The following SLC17A8 variants were observed in gnomAD, a reference collection of about 807,000 sequenced individuals.
SLC17A8 encodes vesicular glutamate transporter 3.
SLC17A8 carries 31 observed loss-of-function variants against 58.0 expected under a neutral mutation model. That is an observed-to-expected ratio of 0.53 (90% confidence interval 0.40 to 0.72). SLC17A8 has a LOEUF of 0.72. Ranked by LOEUF, SLC17A8 falls within the 30% of genes least tolerant of loss-of-function variation. The probability of loss-of-function intolerance (pLI) is 0.00; values close to 1 mark genes in which losing one functional copy is unlikely to be tolerated. For synonymous variants in SLC17A8, 228 were observed against 249.0 expected (o/e 0.92, Z 0.79); for missense variants, 655 against 727.8 (o/e 0.90, Z 1.15).
chr12:100,401,335 A>G (rs931805671), intron 5 of SLC17A8, among the ~76,000 whole-genome samples: 2 of 151,730 alleles, frequency 1.3e-5, no homozygotes, highest in African/African-American at 4.8e-5. Context: ...GACTTTAAAA[A>G]TCATGATCTT....
At chr12:100,407,351 G>A (rs542247026) in intron 9 of SLC17A8, among the ~76,000 whole-genome samples, 27 of 152,162 alleles carry the variant, frequency 1.8e-4, no homozygotes, top group Non-Finnish European at 2.8e-4. Context: ...GGAATGTCTT[G>A]TTCCTATTTA....
intron 11 of SLC17A8, among the ~76,000 whole-genome samples, chr12:100,419,550 T>A (rs1952932070): frequency 6.6e-6 from 1 of 151,786 alleles, no homozygotes; most frequent in South Asian, 2.1e-4. Context: ...AAAAAAAGAA[T>A]TTTCTAAATT....
rs574466962 is a variant in SLC17A8 at position 100,407,242 on chromosome 12, C to A, written c.1186+3072C>A. Among the ~76,000 whole-genome samples, 11 of 152,282 alleles carry A rather than the reference C, an allele frequency of 7.2e-5. No individual in the cohort carries two copies. The East Asian group carries it at 2.1e-3, about 29-fold the overall frequency. On this transcript the variant is annotated intron_variant, in intron 9 of 11. Coordinates refer to ENST00000323346, the MANE Select transcript of SLC17A8 (RefSeq NM_139319.3). ...TTCCTTTGGACAAAAAAATGTACTT[C>A]TAAACTGGCAACTTTAAATAAGTTT... is the stretch of plus-strand genomic sequence containing the variant.
In SLC17A8 at chr12:100,419,923, C is replaced by A. The variant is rs759180942; in HGVS notation, c.1534C>A (p.Pro512Thr). ...TGGGGAGAAACAGGAGTGGGCTGACCCAGAGAATCTCTCTGAGGAGAAATG... is the reference window on the plus strand; with the variant it reads ...TGGGGAGAAACAGGAGTGGGCTGACACAGAGAATCTCTCTGAGGAGAAATG... ...ASGEKQEWADPENLSEEKCGI... is the reference protein window; with the variant it reads ...ASGEKQEWADTENLSEEKCGI... Residue 512 changes from proline to threonine, a missense_variant, in exon 12 of 12, where the codon CCA becomes ACA. By Grantham distance (38) the Pro-to-Thr change is conservative. Transcript: ENST00000323346. 2.5e-5 allele frequency: 40 copies of A among 1,613,724 alleles called. No homozygotes were observed. Among genetic ancestry groups the A allele is most frequent in the Non-Finnish European group, 3.2e-5 (38 of 1,179,948 alleles).
intron 1 of SLC17A8, among the ~76,000 whole-genome samples, chr12:100,363,282 G>A (rs1266532528): frequency 6.6e-6 from 1 of 152,208 alleles, no homozygotes; most frequent in East Asian, 1.9e-4. Flanking sequence ...ATGATGGCGA[G>A]TGGGGCCACT....
chr12:100,401,300 C>A (rs1726041384), intron 5 of SLC17A8, among the ~76,000 whole-genome samples: 1 of 151,382 alleles, frequency 6.6e-6, no homozygotes, highest in East Asian at 1.9e-4. Context: ...TGCCTGGCAA[C>A]CCTCTCCTTT....
chr12:100,376,315 T>G (rs745950148), intron 1 of SLC17A8, among the ~76,000 whole-genome samples: 4 of 152,200 alleles, frequency 2.6e-5, no homozygotes, highest in Admixed American at 6.5e-5. Context: ...AAGGGAGAGA[T>G]AGCACTGGGC....
At chr12:100,371,605 A>G (rs1444351253) in intron 1 of SLC17A8, among the ~76,000 whole-genome samples, 1 of 152,186 alleles carries the variant, frequency 6.6e-6, no homozygotes, top group African/African-American at 2.4e-5. Flanking sequence ...TCTGTCACCC[A>G]GGCTGGAGTG....
chr12:100,417,326 A>G (rs1384105601), intron 10 of SLC17A8, among the ~76,000 whole-genome samples: 1 of 152,224 alleles, frequency 6.6e-6, no homozygotes, highest in Non-Finnish European at 1.5e-5. Context: ...AGGGCTTCAC[A>G]TACCTATTTC....
intron 2 of SLC17A8, among the ~76,000 whole-genome samples, chr12:100,388,853 T>G (rs1160940025): frequency 6.6e-6 from 1 of 152,252 alleles, no homozygotes; most frequent in Admixed American, 6.5e-5. Flanking sequence ...CACTTGTACC[T>G]TCTATGTTCC....
intron 5 of SLC17A8, among the ~76,000 whole-genome samples, chr12:100,398,807 G>C (rs1360036195): frequency 6.6e-6 from 1 of 152,128 alleles, no homozygotes; most frequent in Non-Finnish European, 1.5e-5. Flanking sequence ...GAATCATGGG[G>C]GTGGGTCTTT....
At chr12:100,391,493 C>T (rs918666300) in intron 3 of SLC17A8, among the ~76,000 whole-genome samples, 5 of 151,482 alleles carry the variant, frequency 3.3e-5, no homozygotes, top group African/African-American at 9.7e-5. Context: ...TTGGTAGAGA[C>T]GAGGTTTCAC....
intron 4 of SLC17A8, among the ~76,000 whole-genome samples, chr12:100,393,847 G>A (rs1566396876): frequency 6.6e-6 from 1 of 152,148 alleles, no homozygotes; most frequent in Admixed American, 6.5e-5. Flanking sequence ...ATTTTCAAGG[G>A]TGTAGTCTGA....
At chr12:100,391,571 C>G (rs1404346550) in intron 3 of SLC17A8, among the ~76,000 whole-genome samples, 3 of 152,210 alleles carry the variant, frequency 2.0e-5, no homozygotes, top group Non-Finnish European at 4.4e-5. Context: ...TCCCAAAGTA[C>G]TGGGATTGCA....
intron 1 of SLC17A8, among the ~76,000 whole-genome samples, chr12:100,372,488 C>T (rs1051710700): frequency 6.6e-6 from 1 of 152,126 alleles, no homozygotes; most frequent in African/African-American, 2.4e-5. Context: ...GCTGGGACCA[C>T]AGGCATCCAT....
chr12:100,363,793 C>A (rs903223369), intron 1 of SLC17A8, among the ~76,000 whole-genome samples: 3 of 152,054 alleles, frequency 2.0e-5, no homozygotes, highest in African/African-American at 7.2e-5. Flanking sequence ...GTAATCCCAG[C>A]ACTTTGGGAG....
At chr12:100,357,535 C>A in intron 1 of SLC17A8, 43 bp downstream of exon 1, 2 of 1,268,406 alleles carry the variant, frequency 1.6e-6, no homozygotes, top group Non-Finnish European at 2.3e-6. Context: ...TGAGTAGCTT[C>A]GTATTGCCAA....
intron 5 of SLC17A8, among the ~76,000 whole-genome samples, chr12:100,399,339 G>A (rs1441628677): frequency 6.6e-6 from 1 of 152,148 alleles, no homozygotes; most frequent in Non-Finnish European, 1.5e-5. Flanking sequence ...TGTCTAATAG[G>A]AACTGACATT....
chr12:100,383,991 T>C (rs1009866744), intron 2 of SLC17A8, among the ~76,000 whole-genome samples: 3 of 152,226 alleles, frequency 2.0e-5, no homozygotes, highest in Non-Finnish European at 4.4e-5. Flanking sequence ...CATGCACCAC[T>C]GTGCCTGGCC....
Sources: allele counts gnomAD v4.1 joint callset (sites outside exome capture counted in the v4.1 genomes callset), GRCh38; gene constraint gnomAD v4.1.1; transcripts MANE v1.5; gene names NCBI Gene and HGNC (gene_info 2026-07-23, HGNC 2026-07-21).